The following OTUD7A variants were observed in gnomAD, a reference collection of about 807,000 sequenced individuals.
OTUD7A encodes the protein OTU domain-containing protein 7A.
OTUD7A carries 12 observed loss-of-function variants against 65.7 expected under a neutral mutation model. That is an observed-to-expected ratio of 0.18 (90% CI 0.12 to 0.30). The LOEUF (loss-of-function observed/expected upper bound fraction) is 0.30, where lower values mean the gene tolerates loss of function less well. Ranked by LOEUF, OTUD7A falls within the 10% of genes least tolerant of loss-of-function variation. The pLI is 1.00. For synonymous variants in OTUD7A, 641 were observed against 586.3 expected, an observed-to-expected ratio of 1.09 and a Z score of -1.35; for missense variants, 1,148 against 1,304.8, an observed-to-expected ratio of 0.88 and a Z score of 1.85.
intron 1 of OTUD7A, among the ~76,000 whole-genome samples, chr15:31,686,130 T>C (rs1892830960): frequency 6.6e-6 from 1 of 152,224 alleles, no homozygotes. Flanking sequence ...GGGGAACACA[T>C]ACTGCCAGGC....
chr15:31,662,091 T>C (rs1892181205), intron 1 of OTUD7A, among the ~76,000 whole-genome samples: 1 of 152,236 alleles, frequency 6.6e-6, no homozygotes, highest in African/African-American at 2.4e-5. Context: ...TCTTCTTCCA[T>C]CAGTTGGCAC....
At chr15:31,642,300 G>C (rs1262086178) in intron 3 of OTUD7A, among the ~76,000 whole-genome samples, 2 of 152,126 alleles carry the variant, frequency 1.3e-5, no homozygotes, top group African/African-American at 4.8e-5. Flanking sequence ...TTTATATGCT[G>C]CCAAATTCGA....
chr15:31,729,768 T>C (rs1893991293), intron 1 of OTUD7A, among the ~76,000 whole-genome samples: 1 of 152,142 alleles, frequency 6.6e-6, no homozygotes, highest in South Asian at 2.1e-4. Flanking sequence ...CTCCAAACGA[T>C]GGTTGCAGCT....
intron 1 of OTUD7A, among the ~76,000 whole-genome samples, chr15:31,688,143 T>C (rs1298610727): frequency 1.3e-5 from 2 of 149,974 alleles, no homozygotes; most frequent in Non-Finnish European, 3.0e-5. Context: ...TTGAATCCGG[T>C]AGGTGGAGGT....
At chr15:31,669,588 A>G (rs1331449276) in intron 1 of OTUD7A, among the ~76,000 whole-genome samples, 4 of 152,218 alleles carry the variant, frequency 2.6e-5, no homozygotes, top group Admixed American at 2.6e-4. Flanking sequence ...AGCTAGAAAG[A>G]AAAGGGCTTG....
Position 31,510,955 on chromosome 15 carries a change from T to C in OTUD7A, c.894-7137A>G, listed in dbSNP as rs1276965643. ...TATGTATATCTATATGTAACATATATGTATATCTATATGTAACATATGTAT... is the reference window on the plus strand; with the variant it reads ...TATGTATATCTATATGTAACATATACGTATATCTATATGTAACATATGTAT... On this transcript the variant is annotated intron_variant, in intron 8 of 12. Transcript: ENST00000307050. Among the ~76,000 whole-genome samples, 2 of 99,374 alleles carry C rather than the reference T, an allele frequency of 2.0e-5. 1 individual carries two copies. The highest frequency in any genetic ancestry group is 3.8e-5 in the Non-Finnish European group (2 of 52,228). 65.2% of individuals were successfully genotyped at this position (99,374 alleles called of 152,430 possible). A position where few individuals can be genotyped will look rare whatever the true frequency, so the allele number is the denominator to read the frequency against.
At chr15:31,797,980 T>C (rs767454657) in intron 1 of OTUD7A, among the ~76,000 whole-genome samples, 32 of 152,256 alleles carry the variant, frequency 2.1e-4, no homozygotes, top group South Asian at 4.2e-4. Flanking sequence ...CCTCTCTTCT[T>C]GGTTGGGAGA....
At position 31,632,778 on chromosome 15, in the gene OTUD7A, C is replaced by T. The variant is rs534074788; in HGVS notation, c.151+22318G>A. Among the ~76,000 whole-genome samples, 12 of 138,264 alleles carry T rather than the reference C, an allele frequency of 8.7e-5. No individual in the cohort carries two copies. The South Asian group carries it at 1.7e-3, about 20-fold the overall frequency. 90.7% of individuals were successfully genotyped at this position (138,264 alleles called of 152,430 possible). Reference sequence around the variant, plus strand: ...GAGCTGTGGTGGGCTCCACCCAGTTCGAGCTTCCCGGCTGCTTTGTTTGCC... The same window carrying T: ...GAGCTGTGGTGGGCTCCACCCAGTTTGAGCTTCCCGGCTGCTTTGTTTGCC... On this transcript the variant is annotated intron_variant, in intron 3 of 12. Coordinates refer to ENST00000307050, the MANE Select transcript of OTUD7A (RefSeq NM_001382637.1).
At chr15:31,694,914 C>T (rs1358058664) in intron 1 of OTUD7A, among the ~76,000 whole-genome samples, 3 of 151,688 alleles carry the variant, frequency 2.0e-5, no homozygotes, top group Admixed American at 1.3e-4. Flanking sequence ...GGCGCGATCT[C>T]GGCTCACTGC....
intron 1 of OTUD7A, among the ~76,000 whole-genome samples, chr15:31,860,687 A>ATATATATATATATATATATG (rs1897711766): frequency 8.0e-6 from 1 of 124,506 alleles, no homozygotes; most frequent in Non-Finnish European, 1.7e-5. Context: ...GTATATATAT[A>ATATATATATATATATATATG]TATATATATA....
intron 5 of OTUD7A, among the ~76,000 whole-genome samples, chr15:31,534,566 A>G (rs572380279): frequency 3.9e-5 from 6 of 152,354 alleles, no homozygotes; most frequent in African/African-American, 1.2e-4. Context: ...ATAAGTCAAG[A>G]GAAAGAAATA....
chr15:31,616,591 C>T (rs1890594379), intron 3 of OTUD7A, among the ~76,000 whole-genome samples: 1 of 152,150 alleles, frequency 6.6e-6, no homozygotes, highest in African/African-American at 2.4e-5. Flanking sequence ...TGTCTCCAAG[C>T]TGGAGTGCAG....
intron 1 of OTUD7A, among the ~76,000 whole-genome samples, chr15:31,782,125 C>A (rs1895556763): frequency 6.6e-6 from 1 of 152,208 alleles, no homozygotes; most frequent in Non-Finnish European, 1.5e-5. Context: ...AGTGACACAA[C>A]CCCTCTATGC....
At position 31,487,337 on chromosome 15, in the gene OTUD7A, C is replaced by T; in HGVS notation, c.1287-59G>A. On this transcript the variant is annotated intron_variant, in intron 11 of 12. Coordinates refer to ENST00000307050, the MANE Select transcript of OTUD7A (RefSeq NM_001382637.1). The surrounding 1 kb of genome is among the most constrained non-coding windows in gnomAD (Gnocchi z 6.0). ...TGAGCTGGCCCTTATAGCACCCAGT[C>T]CACTTGCATGCCAGCTGTCCCAGGA... 1 of 1,592,290 alleles carries T rather than the reference C, an allele frequency of 6.3e-7. No homozygotes were observed. The highest frequency in any genetic ancestry group is 8.6e-7 in the Non-Finnish European group (1 of 1,161,886).
chr15:31,674,921 T>A (rs1053635484), intron 1 of OTUD7A, among the ~76,000 whole-genome samples: 1 of 152,188 alleles, frequency 6.6e-6, no homozygotes, highest in Non-Finnish European at 1.5e-5. Flanking sequence ...GATGGTATCA[T>A]GGAACACTTG....
At chr15:31,866,705 T>C (rs1362761765) in intron 1 of OTUD7A, among the ~76,000 whole-genome samples, 1 of 152,200 alleles carries the variant, frequency 6.6e-6, no homozygotes, top group East Asian at 1.9e-4. Context: ...TCCCATTTTG[T>C]CCTCAAGGAT....
intron 6 of OTUD7A, among the ~76,000 whole-genome samples, chr15:31,529,478 G>A (rs543813843): frequency 5.3e-5 from 8 of 152,280 alleles, no homozygotes; most frequent in Admixed American, 2.0e-4. Context: ...AGTGGCCGCC[G>A]CTGGGTGGGG....
intron 1 of OTUD7A, among the ~76,000 whole-genome samples, chr15:31,791,459 T>C (rs1895813378): frequency 6.6e-6 from 1 of 152,196 alleles, no homozygotes; most frequent in African/African-American, 2.4e-5. Context: ...TTTGGTTCTC[T>C]TGCTGTGTCC....
At position 31,483,977 on chromosome 15, in the gene OTUD7A, T is replaced by C; in HGVS notation, c.2119A>G (p.Thr707Ala). ...CGCTCCGGGACCGGCACGCCCTCCG[T>C]CTCCGGTCTGCGCGGCGGCCGCTTG... The part of the protein sequence containing the change: ...TAKRPPRRPE[T>A]EGVPVPERAS... The change falls in exon 13 of 13, where the codon ACG becomes GCG. Residue 707 changes from threonine to alanine, a missense_variant. Coordinates refer to ENST00000307050, the MANE Select transcript of OTUD7A (RefSeq NM_001382637.1). The C allele has an allele frequency of 8.8e-7, 1 of 1,142,202 alleles. No individual in the cohort carries two copies. Among genetic ancestry groups the C allele is most frequent in the Non-Finnish European group, 1.1e-6 (1 of 926,370 alleles). The allele number at this position is 1,142,202 out of a possible 1,614,324, so 70.8% of individuals were successfully genotyped here.
Sources: allele counts gnomAD v4.1 joint callset (sites outside exome capture counted in the v4.1 genomes callset), GRCh38; gene constraint gnomAD v4.1.1; non-coding constraint Gnocchi (gnomAD v3.1); transcripts MANE v1.5; gene names NCBI Gene and HGNC (gene_info 2026-07-23, HGNC 2026-07-21).